BICD1: variants seen among roughly 807,000 people sequenced by gnomAD.
BICD1 encodes the protein BICD cargo adaptor 1, also known as protein bicaudal D homolog 1.
A neutral mutation model predicts 92.5 loss-of-function variants in BICD1; 35 were observed. That is an observed-to-expected ratio of 0.38 (90% CI 0.29 to 0.50). The LOEUF (loss-of-function observed/expected upper bound fraction) is 0.50. BICD1 is among the 20% of genes least tolerant of loss of function. BICD1 has a pLI of 0.93. For synonymous variants in BICD1, 429 were observed against 465.1 expected (o/e 0.92, Z 1.00); for missense variants, 950 against 1,189.8 (o/e 0.80, Z 2.97).
chr12:32,113,849 A>G (rs924123337), intron 1 of BICD1, among the ~76,000 whole-genome samples: 1 of 151,324 alleles, frequency 6.6e-6, no homozygotes, highest in African/African-American at 2.4e-5. Context: ...AGGTGGGACT[A>G]CAGGTGCCTG....
intron 1 of BICD1, among the ~76,000 whole-genome samples, chr12:32,124,360 A>C (rs1942255818): frequency 6.6e-6 from 1 of 152,210 alleles, no homozygotes; most frequent in South Asian, 2.1e-4. Flanking sequence ...TTTTGAGTTA[A>C]GAACAGACTG....
chr12:32,335,971 A>T (rs527890021), intron 6 of BICD1, among the ~76,000 whole-genome samples: 5 of 152,208 alleles, frequency 3.3e-5, no homozygotes, highest in Non-Finnish European at 7.3e-5. Context: ...AGATTTAGTA[A>T]ATAATTTACA....
At chr12:32,223,459 G>A (rs1440761635) in intron 2 of BICD1, among the ~76,000 whole-genome samples, 1 of 150,342 alleles carries the variant, frequency 6.7e-6, no homozygotes, top group Non-Finnish European at 1.5e-5. Flanking sequence ...AGGTGTTGCA[G>A]TGAGCCAAGA....
intron 8 of BICD1, among the ~76,000 whole-genome samples, chr12:32,358,623 G>A (rs1214822898): frequency 6.6e-6 from 1 of 151,966 alleles, no homozygotes; most frequent in African/African-American, 2.4e-5. Context: ...TGTAGTCCCA[G>A]CTACTTAGGA....
chr12:32,202,010 CAGA>C (rs1944918273), intron 1 of BICD1, among the ~76,000 whole-genome samples: 1 of 152,164 alleles, frequency 6.6e-6, no homozygotes, highest in African/African-American at 2.4e-5. Flanking sequence ...TTAACACAGC[CAGA>C]AGAAGCTGAT....
intron 8 of BICD1, among the ~76,000 whole-genome samples, chr12:32,342,515 T>C (rs1002487613): frequency 6.6e-6 from 1 of 152,008 alleles, no homozygotes; most frequent in African/African-American, 2.4e-5. Context: ...CCTCCCAAAG[T>C]GCTGGGATTA....
intron 1 of BICD1, among the ~76,000 whole-genome samples, chr12:32,113,874 T>G (rs1005179074): frequency 2.0e-5 from 3 of 151,030 alleles, no homozygotes; most frequent in African/African-American, 7.3e-5. Context: ...CATGCCTGAA[T>G]AATTTTTTTT....
chr12:32,352,195 ACT>A (rs1213886460), intron 8 of BICD1, among the ~76,000 whole-genome samples: 2 of 148,570 alleles, frequency 1.3e-5, no homozygotes, highest in Non-Finnish European at 3.0e-5. Flanking sequence ...ACAGAGCAAG[ACT>A]CTGTCTCAAA....
rs531383525 is a variant in BICD1 at position 32,282,649 on chromosome 12, G to A, written c.427-11345G>A. ...GTTGCCTTTGGGAAGTGAGGAAACAGCAAAAGGAGGGGCTTGGTACAGACC... is the reference window on the plus strand; with the variant it reads ...GTTGCCTTTGGGAAGTGAGGAAACAACAAAAGGAGGGGCTTGGTACAGACC... On this transcript the variant is annotated intron_variant, in intron 2 of 9. Transcript: ENST00000652176. Among the ~76,000 whole-genome samples, 3 of 152,286 alleles carry A rather than the reference G, an allele frequency of 2.0e-5. No individual in the cohort carries two copies. The South Asian group carries it at 6.2e-4, about 32-fold the overall frequency.
Position 32,256,784 on chromosome 12 carries a change from C to G in BICD1, c.427-37210C>G, listed in dbSNP as rs570908002. ...TAAAAAGGAAGTTATGAGCATTACA[C>G]GAAATAAACACTGACATGAACAGAT... is the stretch of plus-strand genomic sequence containing the variant. On this transcript the variant is annotated intron_variant, in intron 2 of 9. Coordinates refer to ENST00000652176, the MANE Select transcript of BICD1 (RefSeq NM_001714.4). Among the ~76,000 whole-genome samples, 17 of 152,112 alleles carry G rather than the reference C, an allele frequency of 1.1e-4. No homozygotes were observed. The South Asian group carries it at 3.3e-3, about 30-fold the overall frequency.
chr12:32,144,759 T>G (rs1350963876), intron 1 of BICD1, among the ~76,000 whole-genome samples: 1 of 152,248 alleles, frequency 6.6e-6, no homozygotes, highest in Non-Finnish European at 1.5e-5. Context: ...TCATAAAGAT[T>G]GAGATTCAAA....
chr12:32,375,296 A>C (rs1395781407), intron 9 of BICD1, among the ~76,000 whole-genome samples: 1 of 151,800 alleles, frequency 6.6e-6, no homozygotes, highest in African/African-American at 2.4e-5. Context: ...TGAGAGGCCG[A>C]GGTGGGCAGA....
chr12:32,244,789 C>T (rs1381071077), intron 2 of BICD1, among the ~76,000 whole-genome samples: 3 of 152,046 alleles, frequency 2.0e-5, no homozygotes, highest in Admixed American at 1.3e-4. Context: ...CCACCATGCC[C>T]AGCTAATTTT....
intron 1 of BICD1, among the ~76,000 whole-genome samples, chr12:32,162,449 A>G (rs1241578641): frequency 2.6e-5 from 4 of 152,196 alleles, no homozygotes; most frequent in Non-Finnish European, 5.9e-5. Flanking sequence ...CTCCAGAGTG[A>G]TGCTGTCTGA....
chr12:32,251,612 C>CT (rs1195888149), intron 2 of BICD1, among the ~76,000 whole-genome samples: 2 of 152,184 alleles, frequency 1.3e-5, no homozygotes, highest in Non-Finnish European at 2.9e-5. Flanking sequence ...ACTCTCCATT[C>CT]TTTTATATAC....
At chr12:32,112,801 A>G (rs1471379401) in intron 1 of BICD1, among the ~76,000 whole-genome samples, 1 of 152,202 alleles carries the variant, frequency 6.6e-6, no homozygotes, top group Non-Finnish European at 1.5e-5. Context: ...CCAGTCTTCA[A>G]AACAATTCAG....
chr12:32,155,073 G>C (rs1943400266), intron 1 of BICD1, among the ~76,000 whole-genome samples: 2 of 151,842 alleles, frequency 1.3e-5, no homozygotes, highest in African/African-American at 4.8e-5. Context: ...AAAAAATCCA[G>C]TTATTTGAAT....
intron 1 of BICD1, among the ~76,000 whole-genome samples, chr12:32,139,940 T>C (rs1942854150): frequency 6.6e-6 from 1 of 152,190 alleles, no homozygotes; most frequent in African/African-American, 2.4e-5. Flanking sequence ...CTATAAGGTC[T>C]TATACCAGCC....
intron 1 of BICD1, among the ~76,000 whole-genome samples, chr12:32,193,903 A>G (rs1565578508): frequency 6.6e-6 from 1 of 152,210 alleles, no homozygotes; most frequent in Non-Finnish European, 1.5e-5. Context: ...ACACTACAAG[A>G]AAATTCCAGA....
Sources: gnomAD v4.1 joint callset for allele counts (sites outside exome capture counted in the v4.1 genomes callset) on GRCh38, gnomAD v4.1.1 for gene constraint, MANE v1.5 for transcripts, NCBI Gene and HGNC (gene_info 2026-07-23, HGNC 2026-07-21) for gene names.